Variants in TP63 observed in about 807,000 individuals in gnomAD.
The protein encoded by TP63 is tumor protein p63.
A neutral mutation model predicts 82.8 loss-of-function variants in TP63; 17 were observed. The observed-to-expected ratio is 0.21, with a 90% CI of 0.14 to 0.31. The LOEUF (loss-of-function observed/expected upper bound fraction) is 0.31. Among genes scored for constraint, TP63 ranks in the 10% least tolerant of loss-of-function variants. The pLI, the probability that TP63 is intolerant of heterozygous loss-of-function variation, is 1.00. For synonymous variants in TP63, 330 were observed against 321.7 expected (o/e 1.03, Z -0.28); for missense variants, 648 against 895.3 (o/e 0.72, Z 3.52).
chr3:189,625,269 A>G, the TP63 span, among the ~76,000 whole-genome samples: 2 of 152,216 alleles, frequency 1.3e-5, no homozygotes, highest in African/African-American at 4.8e-5. Context: ...AGGCGTTAAA[A>G]AGAGAGCAAT....
At chr3:189,893,422 A>G (rs1299476112) in intron 13 of TP63, among the ~76,000 whole-genome samples, 2 of 152,218 alleles carry the variant, frequency 1.3e-5, no homozygotes, top group African/African-American at 4.8e-5. Flanking sequence ...TGAAAATATG[A>G]GCTATCACTG....
intron 4 of TP63, among the ~76,000 whole-genome samples, chr3:189,854,453 A>C (rs1198520452): frequency 6.6e-6 from 1 of 152,118 alleles, no homozygotes; most frequent in East Asian, 1.9e-4. Flanking sequence ...GGCTGGTCTC[A>C]AACTCCTAAC....
intron 3 of TP63, among the ~76,000 whole-genome samples, chr3:189,802,413 G>A (rs954312288): frequency 3.3e-5 from 5 of 152,184 alleles, no homozygotes; most frequent in African/African-American, 1.2e-4. Flanking sequence ...AGAGAGAACA[G>A]TTACCTTAGA....
chr3:189,746,086 CA>C lies in TP63; in HGVS notation c.324+7313del, dbSNP rs556935060. ...CGGAACTCTCCAAATAGACACAGTT[CA>C]GAAAGGTTTTCTCTACAGCACATTA... On this transcript the variant is annotated intron_variant, in intron 3 of 13. Coordinates refer to ENST00000264731, the MANE Select transcript of TP63 (RefSeq NM_003722.5). 2.6e-3 allele frequency among the ~76,000 whole-genome samples: 391 copies of C among 152,040 alleles called. 3 individuals are homozygous for C. The highest frequency in any genetic ancestry group is 9.0e-3 in the African/African-American group (373 of 41,474).
chr3:189,759,369 G>A (rs1020601571), intron 3 of TP63, among the ~76,000 whole-genome samples: 1 of 152,100 alleles, frequency 6.6e-6, no homozygotes, highest in African/African-American at 2.4e-5. Context: ...ACAGAACTCG[G>A]GCTTTGGGAA....
At chr3:189,616,489 T>G in the TP63 span, among the ~76,000 whole-genome samples, 1 of 152,222 alleles carries the variant, frequency 6.6e-6, no homozygotes, top group Non-Finnish European at 1.5e-5. Flanking sequence ...CTGGTTGTCT[T>G]TGGCTGGAGA....
chr3:189,887,844 T>C (rs1051481947), intron 11 of TP63, among the ~76,000 whole-genome samples: 2 of 139,078 alleles, frequency 1.4e-5, no homozygotes, highest in Admixed American at 7.6e-5. Context: ...ATGGCACACA[T>C]TCATTGTTTT....
In TP63 at chr3:189,705,326, A is replaced by G. The variant is rs541147801; in HGVS notation, c.63-32414A>G. Among the ~76,000 whole-genome samples the G allele has an allele frequency of 2.2e-4, 34 of 152,362 alleles. 1 individual carries two copies. The South Asian group carries it at 2.5e-3, about 11-fold the overall frequency. On this transcript the variant is annotated intron_variant, in intron 1 of 13. Transcript: ENST00000264731. ...ATAGGACCTACCCTATAGGATTAGT[A>G]TAAGGTCTAAATGAGATAATGCCCA... is the stretch of plus-strand genomic sequence containing the variant.
chr3:189,726,833 T>C (rs1719812709), intron 1 of TP63, among the ~76,000 whole-genome samples: 1 of 152,224 alleles, frequency 6.6e-6, no homozygotes, highest in Admixed American at 6.5e-5. Flanking sequence ...CAAACTGCAA[T>C]TTATTTTAAA....
intron 1 of TP63, among the ~76,000 whole-genome samples, chr3:189,717,159 C>T (rs138700992): frequency 1.3e-5 from 2 of 152,244 alleles, no homozygotes; most frequent in Admixed American, 6.5e-5. Context: ...TCAACATACA[C>T]GTATACGAAC....
At chr3:189,758,236 T>G (rs557613264) in intron 3 of TP63, among the ~76,000 whole-genome samples, 10 of 152,314 alleles carry the variant, frequency 6.6e-5, no homozygotes, top group African/African-American at 2.4e-4. Context: ...GAGGATCTAA[T>G]GCCCCCGCTG....
chr3:189,838,193 A>G (rs1340232780), intron 4 of TP63, among the ~76,000 whole-genome samples: 2 of 150,840 alleles, frequency 1.3e-5, no homozygotes, highest in African/African-American at 4.9e-5. Flanking sequence ...CCTCTCTCCT[A>G]TTTATTCTTC....
In TP63 at chr3:189,868,687, G is replaced by GTAC. The variant is rs1718031628; in HGVS notation, c.1101_1103dup (p.Thr368dup). On this transcript the variant is annotated inframe_insertion, in exon 8 of 14. Transcript: ENST00000264731. ...ATCAGAAAGCAGCAAGTTTCGGACA[G>GTAC]TACAAAGAACGGTGATGGTACGAAG... is the stretch of plus-strand genomic sequence containing the variant. 6.2e-7 allele frequency: 1 copy of GTAC among 1,614,004 alleles called. No homozygotes were observed. The highest frequency in any genetic ancestry group is 1.3e-5 in the African/African-American group (1 of 74,908).
the TP63 span, among the ~76,000 whole-genome samples, chr3:189,610,490 G>T: frequency 6.6e-6 from 1 of 152,168 alleles, no homozygotes; most frequent in African/African-American, 2.4e-5. Flanking sequence ...CGTAGCAAGA[G>T]TCACCTTTGC....
At chr3:189,649,334 G>C (rs1169058541) in intron 1 of TP63, among the ~76,000 whole-genome samples, 1 of 146,868 alleles carries the variant, frequency 6.8e-6, no homozygotes, top group Non-Finnish European at 1.5e-5. Flanking sequence ...AACATGGATA[G>C]AACTGGAGGC....
chr3:189,603,205 T>C, the TP63 span, among the ~76,000 whole-genome samples: 2 of 152,138 alleles, frequency 1.3e-5, no homozygotes, highest in South Asian at 2.1e-4. Flanking sequence ...TCTATATAAA[T>C]ACTAATGCAG....
chr3:189,737,947 G>A lies in TP63; in HGVS notation c.191+79G>A, dbSNP rs931704489. On this transcript the variant is annotated intron_variant, in intron 2 of 13. Transcript: ENST00000264731. Reference sequence around the variant, plus strand: ...GGTGGTCAAAATATTGCTTACTAGGGCATGTTTTTTCTAGAATCAGTAGAA... The same window carrying A: ...GGTGGTCAAAATATTGCTTACTAGGACATGTTTTTTCTAGAATCAGTAGAA... 25 of 1,559,386 alleles carry A rather than the reference G, an allele frequency of 1.6e-5. 1 individual carries two copies. The Middle Eastern group carries it at 2.0e-3, about 126-fold the overall frequency.
At chr3:189,764,384 T>G (rs1439221933) in intron 3 of TP63, among the ~76,000 whole-genome samples, 1 of 152,154 alleles carries the variant, frequency 6.6e-6, no homozygotes, top group African/African-American at 2.4e-5. Flanking sequence ...CTGGATGGCT[T>G]ATTTCTGACT....
At chr3:189,818,529 C>G (rs1395159472) in intron 4 of TP63, among the ~76,000 whole-genome samples, 1 of 151,826 alleles carries the variant, frequency 6.6e-6, no homozygotes, top group East Asian at 1.9e-4. Flanking sequence ...TAATTTTGAT[C>G]CATTTCATGG....
Sources: gnomAD v4.1 joint callset for allele counts (sites outside exome capture counted in the v4.1 genomes callset) on GRCh38, gnomAD v4.1.1 for gene constraint, MANE v1.5 for transcripts, NCBI Gene and HGNC (gene_info 2026-07-23, HGNC 2026-07-21) for gene names.